Variants in CSRNP3 observed in about 807,000 individuals in gnomAD.
The protein encoded by CSRNP3 is cysteine and serine rich nuclear protein 3.
In CSRNP3, 12 loss-of-function variants were observed where a neutral mutation model predicts 48.0. The observed-to-expected ratio is 0.25, with a 90% CI of 0.16 to 0.41. The LOEUF (loss-of-function observed/expected upper bound fraction) is 0.41, where lower values mean the gene tolerates loss of function less well. CSRNP3 is among the 10% of genes least tolerant of loss of function. CSRNP3 has a pLI of 1.00. For missense variants in CSRNP3, 580 were observed against 724.4 expected (o/e 0.80, Z 2.29); for synonymous variants, 263 against 269.7 (o/e 0.98, Z 0.24).
intron 5 of CSRNP3, among the ~76,000 whole-genome samples, chr2:165,673,705 C>G (rs1043068812): frequency 6.6e-6 from 1 of 152,086 alleles, no homozygotes; most frequent in Admixed American, 6.6e-5. Context: ...CTGATAACAA[C>G]CATTTTTTAA....
At chr2:165,566,432 T>C (rs1685298826) in intron 3 of CSRNP3, among the ~76,000 whole-genome samples, 1 of 151,598 alleles carries the variant, frequency 6.6e-6, no homozygotes, top group South Asian at 2.1e-4. Flanking sequence ...CCATAATGGG[T>C]TAAAACCACA....
At chr2:165,673,667 A>G (rs1396798116) in intron 5 of CSRNP3, among the ~76,000 whole-genome samples, 1 of 152,162 alleles carries the variant, frequency 6.6e-6, no homozygotes, top group Non-Finnish European at 1.5e-5. Flanking sequence ...ATCTTACTAC[A>G]TGTTGACTTT....
intron 4 of CSRNP3, among the ~76,000 whole-genome samples, chr2:165,629,110 C>T (rs1317428221): frequency 6.6e-6 from 1 of 152,092 alleles, no homozygotes; most frequent in Non-Finnish European, 1.5e-5. Context: ...GGGTAAGAGC[C>T]ATGTGTTAAA....
chr2:165,486,563 G>C (rs1333834399), intron 1 of CSRNP3, among the ~76,000 whole-genome samples: 1 of 101,906 alleles, frequency 9.8e-6, no homozygotes, highest in African/African-American at 3.9e-5. Flanking sequence ...GCTTTGAAGA[G>C]AGCAGTGGTT....
intron 3 of CSRNP3, among the ~76,000 whole-genome samples, chr2:165,575,172 C>T (rs1175660273): frequency 1.3e-5 from 2 of 152,112 alleles, no homozygotes; most frequent in Non-Finnish European, 2.9e-5. Flanking sequence ...TTTCCATGCA[C>T]GAAATATCAC....
chr2:165,524,197 A>T (rs1684702194), intron 3 of CSRNP3, among the ~76,000 whole-genome samples: 1 of 152,208 alleles, frequency 6.6e-6, no homozygotes, highest in South Asian at 2.1e-4. Flanking sequence ...TTAGTGTCTG[A>T]TAAAAGAGAC....
At chr2:165,515,163 C>CA (rs72228483) in intron 2 of CSRNP3, among the ~76,000 whole-genome samples, 2 of 149,336 alleles carry the variant, frequency 1.3e-5, no homozygotes, top group Non-Finnish European at 3.0e-5. Flanking sequence ...ACTAAAGATA[C>CA]AAAAAAAAAA....
intron 4 of CSRNP3, among the ~76,000 whole-genome samples, chr2:165,607,375 C>T (rs996631307): frequency 1.3e-5 from 2 of 152,142 alleles, no homozygotes; most frequent in African/African-American, 2.4e-5. Flanking sequence ...GAGCATTCAT[C>T]GTGTTCACAG....
intron 2 of CSRNP3, among the ~76,000 whole-genome samples, chr2:165,503,315 A>G (rs1684381990): frequency 6.6e-6 from 1 of 151,966 alleles, no homozygotes; most frequent in South Asian, 2.1e-4. Flanking sequence ...TCATATATTG[A>G]ATAATATATT....
chr2:165,572,517 T>C (rs776889392), intron 3 of CSRNP3: 1 of 152,176 alleles, frequency 6.6e-6, no homozygotes, highest in Non-Finnish European at 1.5e-5. Context: ...ACACATATGA[T>C]AAAATGATCA....
At chr2:165,594,939 T>C in intron 3 of CSRNP3, 104 bp from the exon 4 acceptor site, 4 of 898,328 alleles carry the variant, frequency 4.5e-6, no homozygotes, top group Non-Finnish European at 5.1e-6. Context: ...AAGCTATAGC[T>C]CAGCTCATGT....
At chr2:165,627,650 A>G (rs1265317201) in intron 4 of CSRNP3, among the ~76,000 whole-genome samples, 1 of 152,116 alleles carries the variant, frequency 6.6e-6, no homozygotes, top group Non-Finnish European at 1.5e-5. Context: ...ACTACTAGAT[A>G]TAACTCACTT....
chr2:165,571,598 A>G (rs905761706), intron 3 of CSRNP3, among the ~76,000 whole-genome samples: 2 of 152,022 alleles, frequency 1.3e-5, no homozygotes, highest in Admixed American at 6.6e-5. Flanking sequence ...GAAATCAGAT[A>G]AGGTAAATCA....
At chr2:165,494,158 C>G (rs553951791) in intron 1 of CSRNP3, among the ~76,000 whole-genome samples, 1 of 152,076 alleles carries the variant, frequency 6.6e-6, no homozygotes, top group Non-Finnish European at 1.5e-5. Context: ...TTCAGCCAAT[C>G]TCCTTGACAT....
intron 3 of CSRNP3, among the ~76,000 whole-genome samples, chr2:165,555,155 C>T (rs961138112): frequency 6.6e-6 from 1 of 152,200 alleles, no homozygotes; most frequent in Admixed American, 6.5e-5. Context: ...CCCCCTCCAA[C>T]ACAAGACTCT....
intron 3 of CSRNP3, among the ~76,000 whole-genome samples, chr2:165,571,800 A>T (rs921240579): frequency 1.3e-5 from 2 of 152,066 alleles, no homozygotes; most frequent in Non-Finnish European, 2.9e-5. Flanking sequence ...AAAAAGATTC[A>T]CCTTCTCATC....
At chr2:165,593,059 C>A (rs967807977) in intron 3 of CSRNP3, among the ~76,000 whole-genome samples, 3 of 152,068 alleles carry the variant, frequency 2.0e-5, no homozygotes, top group African/African-American at 7.2e-5. Flanking sequence ...CCTCGGCCTC[C>A]CAAAGTGCTG....
At chr2:165,502,579 C>T (rs1380133485) in intron 2 of CSRNP3, among the ~76,000 whole-genome samples, 2 of 151,764 alleles carry the variant, frequency 1.3e-5, no homozygotes, top group African/African-American at 2.4e-5. Context: ...TTTTAATTGC[C>T]CTCCAGAAGA....
rs568147609 is a variant in CSRNP3 at position 165,679,825 on chromosome 2, A to G, written c.*72A>G. 6.9e-4 allele frequency: 1,049 copies of G among 1,528,512 alleles called. No individual in the cohort carries two copies. The highest frequency in any genetic ancestry group is 7.3e-4 in the Non-Finnish European group (837 of 1,140,908). 94.7% of individuals were successfully genotyped at this position (1,528,512 alleles called of 1,614,324 possible). A position where few individuals can be genotyped will look rare whatever the true frequency, so the allele number is the denominator to read the frequency against. ...GTATTTAATTGGATTTCCTGGGCTC[A>G]TCATTGTTTAAACTGAAGACCAAGA... On this transcript the variant is annotated 3_prime_UTR_variant, in exon 7 of 7. Transcript: ENST00000651982.
Sources: gnomAD v4.1 joint callset for allele counts (sites outside exome capture counted in the v4.1 genomes callset) on GRCh38, gnomAD v4.1.1 for gene constraint, MANE v1.5 for transcripts, NCBI Gene and HGNC (gene_info 2026-07-23, HGNC 2026-07-21) for gene names.